GLIS3: variants seen among roughly 807,000 people sequenced by gnomAD.
GLIS3 encodes GLIS family zinc finger 3, also known as zinc finger protein GLIS3.
A neutral mutation model predicts 78.6 loss-of-function variants in GLIS3; 53 were observed. That is an observed-to-expected ratio of 0.67 (90% confidence interval 0.54 to 0.85). The LOEUF is 0.85. Ranked by LOEUF, GLIS3 falls within the 40% of genes least tolerant of loss-of-function variation. The pLI, the probability that GLIS3 is intolerant of heterozygous loss-of-function variation, is 0.00. For missense variants in GLIS3, 1,703 were observed against 1,231.1 expected (o/e 1.38, Z -5.74); for synonymous variants, 684 against 509.9 (o/e 1.34, Z -4.60).
At chr9:4,376,309 G>T in the GLIS3 span, among the ~76,000 whole-genome samples, 1 of 152,162 alleles carries the variant, frequency 6.6e-6, no homozygotes, top group African/African-American at 2.4e-5. Context: ...AGAATTTAAA[G>T]CATTAGGAGT....
chr9:4,074,734 T>C (rs533470654), intron 4 of GLIS3, among the ~76,000 whole-genome samples: 1 of 152,304 alleles, frequency 6.6e-6, no homozygotes, highest in South Asian at 2.1e-4. Context: ...AGCAACATCA[T>C]AGGACTTAAT....
rs561047206 is a variant in GLIS3 at position 4,241,592 on chromosome 9, T to C, written c.388+44446A>G. ...TATTATCACATATATCCCCAAAATA[T>C]GTACAGCTATTATCAATTTTTAAAA... On this transcript the variant is annotated intron_variant, in intron 2 of 10. Coordinates refer to ENST00000381971, the MANE Select transcript of GLIS3 (RefSeq NM_001042413.2). Among the ~76,000 whole-genome samples, 15 of 152,292 alleles carry C rather than the reference T, an allele frequency of 9.8e-5. No individual in the cohort carries two copies. In the South Asian group the frequency reaches 2.9e-3, roughly 29 times the overall value.
At chr9:4,017,711 T>C (rs1822552181) in intron 4 of GLIS3, among the ~76,000 whole-genome samples, 1 of 151,904 alleles carries the variant, frequency 6.6e-6, no homozygotes, top group African/African-American at 2.4e-5. Context: ...GGTATCAGAG[T>C]GTTGGTAGAG....
chr9:3,986,485 T>C (rs1049620291), intron 4 of GLIS3, among the ~76,000 whole-genome samples: 1 of 152,244 alleles, frequency 6.6e-6, no homozygotes, highest in Non-Finnish European at 1.5e-5. Context: ...CTATCAGCAT[T>C]AATTCTGCCC....
At chr9:4,133,827 C>T (rs1486243234) in intron 2 of GLIS3, among the ~76,000 whole-genome samples, 1 of 28,462 alleles carries the variant, frequency 3.5e-5, no homozygotes, top group Non-Finnish European at 6.3e-5. Flanking sequence ...AGACCTTCTA[C>T]ACACACACAC....
intron 4 of GLIS3, among the ~76,000 whole-genome samples, chr9:3,997,124 GATCACCTGAGGTTGGAGTTCAAGACCAGC>G: frequency 6.6e-6 from 1 of 152,292 alleles, no homozygotes; most frequent in Non-Finnish European, 1.5e-5. Context: ...AAGGCAGGCA[GATCACCTGAGGTTGGAGTTCAAGACCAGC>G]CTGACCAACA....
rs1417159 is a variant in GLIS3, at chr9:4,126,189, G to A, written c.389-248C>T. 0.092 allele frequency among the ~76,000 whole-genome samples: 13,932 copies of A among 152,126 alleles called. 1,218 individuals are homozygous for A. The highest frequency in any genetic ancestry group is 0.23 in the African/African-American group (9,557 of 41,466). ...TAAATTTTACTCCTTCTATGTAGAAGTGTCCAGTTATATTAAAAATCATAT... is the reference window on the plus strand; with the variant it reads ...TAAATTTTACTCCTTCTATGTAGAAATGTCCAGTTATATTAAAAATCATAT... On this transcript the variant is annotated intron_variant, in intron 2 of 10. Coordinates refer to ENST00000381971, the MANE Select transcript of GLIS3 (RefSeq NM_001042413.2).
chr9:4,341,165 CACAGGCTTGTGCAAT>C (rs1303251531), intron 2 of GLIS3, among the ~76,000 whole-genome samples: 11 of 152,152 alleles, frequency 7.2e-5, no homozygotes, highest in African/African-American at 2.7e-4. Flanking sequence ...TTATCTGATC[CACAGGCTTGTGCAAT>C]ACTCTCTAGG....
Position 4,319,534 on chromosome 9 carries a change from CTTT to C in GLIS3, n.265-9009_265-9007del, listed in dbSNP as rs5896062. 2.0e-5 allele frequency among the ~76,000 whole-genome samples: 3 copies of C among 150,578 alleles called. No individual in the cohort carries two copies. The South Asian group carries it at 6.3e-4, about 32-fold the overall frequency. ...TTTTGGTAAAATCCAAATACTAACA[CTTT>C]TTTTTTTCTAGAAACAGGTTCTTCC... is the stretch of plus-strand genomic sequence containing the variant. On this transcript the variant is annotated intron_variant and non_coding_transcript_variant, in intron 2 of 4. Transcript: ENST00000471664.
intron 6 of GLIS3, among the ~76,000 whole-genome samples, chr9:3,905,574 AT>A (rs1823641872): frequency 6.6e-6 from 1 of 152,124 alleles, no homozygotes; most frequent in African/African-American, 2.4e-5. Context: ...ATTGACAAAA[AT>A]AAAGCATGGT....
the GLIS3 span, among the ~76,000 whole-genome samples, chr9:4,406,700 A>T: frequency 1.4e-4 from 22 of 152,212 alleles, no homozygotes; most frequent in African/African-American, 5.1e-4. Context: ...TCCCATTTAC[A>T]ATACCCATAC....
chr9:4,178,458 G>A (rs748293153), intron 2 of GLIS3, among the ~76,000 whole-genome samples: 1 of 152,152 alleles, frequency 6.6e-6, no homozygotes, highest in African/African-American at 2.4e-5. Flanking sequence ...AGGGAGGGAC[G>A]ATACTAGAAA....
intron 3 of GLIS3, among the ~76,000 whole-genome samples, chr9:4,121,082 A>G (rs900614978): frequency 1.3e-5 from 2 of 152,234 alleles, no homozygotes; most frequent in African/African-American, 2.4e-5. Context: ...TCTATTCATT[A>G]AAGTATTAAT....
intron 2 of GLIS3, among the ~76,000 whole-genome samples, chr9:4,318,626 T>TA (rs750762285): frequency 1.1e-4 from 16 of 152,128 alleles, no homozygotes; most frequent in Non-Finnish European, 2.4e-4. Context: ...CACACAGAGA[T>TA]AAAAAAATAT....
the GLIS3 span, among the ~76,000 whole-genome samples, chr9:4,473,859 G>GA: frequency 2.6e-5 from 4 of 151,986 alleles, no homozygotes; most frequent in Admixed American, 2.0e-4. Context: ...GATACTGAGA[G>GA]AAAAACCTAA....
At chr9:3,863,590 G>C (rs1378279412) in intron 8 of GLIS3, among the ~76,000 whole-genome samples, 1 of 152,184 alleles carries the variant, frequency 6.6e-6, no homozygotes, top group Non-Finnish European at 1.5e-5. Flanking sequence ...AAAAGACCAG[G>C]ACTCAAAAAT....
chr9:4,275,648 A>G (rs1443933594), intron 2 of GLIS3, among the ~76,000 whole-genome samples: 2 of 151,314 alleles, frequency 1.3e-5, no homozygotes, highest in Non-Finnish European at 2.9e-5. Flanking sequence ...CTGTGGTCTC[A>G]GCTACATGGG....
intron 2 of GLIS3, among the ~76,000 whole-genome samples, chr9:4,142,470 C>G (rs2130993290): frequency 6.6e-6 from 1 of 152,234 alleles, no homozygotes; most frequent in East Asian, 1.9e-4. Flanking sequence ...GGTTAGAGTG[C>G]CTCCTCATTC....
chr9:4,333,895 C>T (rs1013874707), intron 2 of GLIS3, among the ~76,000 whole-genome samples: 2 of 152,176 alleles, frequency 1.3e-5, no homozygotes, highest in African/African-American at 2.4e-5. Context: ...GGGAAAACCA[C>T]TTTGCATTGG....
Sources: allele counts gnomAD v4.1 joint callset (sites outside exome capture counted in the v4.1 genomes callset), GRCh38; gene constraint gnomAD v4.1.1; transcripts MANE v1.5; gene names NCBI Gene and HGNC (gene_info 2026-07-23, HGNC 2026-07-21).